The following AAK1 variants were observed in gnomAD, a reference collection of about 807,000 sequenced individuals.
The protein encoded by AAK1 is AP2-associated protein kinase 1.
Under a neutral mutation model 116.0 loss-of-function variants are expected in AAK1, and 37 were observed. That is an observed-to-expected ratio of 0.32 (90% CI 0.25 to 0.42). AAK1 has a LOEUF of 0.42. AAK1 is among the 10% of genes least tolerant of loss of function. The pLI, the probability that AAK1 is intolerant of heterozygous loss-of-function variation, is 1.00. For synonymous variants in AAK1, 458 were observed against 439.9 expected (o/e 1.04, Z -0.51); for missense variants, 919 against 1,170.6 (o/e 0.79, Z 3.14).
intron 2 of AAK1, chr2:69,598,065 A>G (rs945106811): frequency 3.3e-6 from 2 of 603,786 alleles, no homozygotes; most frequent in African/African-American, 3.9e-5. Context: ...CACCTTCTTT[A>G]TGGTGACATA....
intron 17 of AAK1, among the ~76,000 whole-genome samples, chr2:69,494,486 G>C (rs1171886538): frequency 6.6e-6 from 1 of 152,154 alleles, no homozygotes; most frequent in African/African-American, 2.4e-5. Flanking sequence ...GGCTTCTGCA[G>C]CCCATGGGCT....
chr2:69,630,564 C>T (rs1008248625), intron 2 of AAK1, among the ~76,000 whole-genome samples: 1 of 152,194 alleles, frequency 6.6e-6, no homozygotes. Context: ...TTAATTCTTA[C>T]AACAACCCAT....
intron 3 of AAK1, among the ~76,000 whole-genome samples, chr2:69,556,379 A>G (rs187747781): frequency 1.9e-4 from 29 of 152,262 alleles, no homozygotes; most frequent in African/African-American, 5.8e-4. Context: ...TTCCAGGCCA[A>G]AAAAGGGGGA....
At chr2:69,519,655 A>G (rs554160699) in intron 11 of AAK1, among the ~76,000 whole-genome samples, 7 of 152,304 alleles carry the variant, frequency 4.6e-5, no homozygotes, top group African/African-American at 1.7e-4. Context: ...ATGCGTGGCT[A>G]TAAGTAGATG....
Position 69,473,186 on chromosome 2 carries a change from T to C in AAK1, c.*2683A>G. On this transcript the variant is annotated 3_prime_UTR_variant, in exon 22 of 22. Transcript: ENST00000409085. ...AGCCAGTGGCTGGCAAGGGCCAGGA[T>C]GAGATCCCAGGTGGCCTGTCCTGCC... The C allele has an allele frequency of 1.3e-6, 1 of 771,092 alleles. No individual in the cohort carries two copies. Among genetic ancestry groups the C allele is most frequent in the Non-Finnish European group, 1.6e-6 (1 of 634,410 alleles). The allele number at this position is 771,092 out of a possible 1,614,324, so 47.8% of individuals were successfully genotyped here. A position where few individuals can be genotyped will look rare whatever the true frequency, so the allele number is the denominator to read the frequency against.
chr2:69,552,818 G>A (rs1461453803), intron 3 of AAK1, among the ~76,000 whole-genome samples: 1 of 151,994 alleles, frequency 6.6e-6, no homozygotes, highest in Non-Finnish European at 1.5e-5. Context: ...GATTTCTTAG[G>A]TTTGACACCA....
At chr2:69,616,236 T>A (rs536747709) in intron 2 of AAK1, among the ~76,000 whole-genome samples, 3 of 152,090 alleles carry the variant, frequency 2.0e-5, no homozygotes, top group Non-Finnish European at 4.4e-5. Context: ...GCTCAAGTGA[T>A]CCTCTCACCT....
chr2:69,513,877 G>A (rs1676483840), intron 13 of AAK1, among the ~76,000 whole-genome samples: 1 of 152,204 alleles, frequency 6.6e-6, no homozygotes, highest in African/African-American at 2.4e-5. Context: ...GCCATACTCA[G>A]CCAATATCTA....
chr2:69,519,187 C>A lies in AAK1; in HGVS notation c.1264G>T (p.Ala422Ser), dbSNP rs75381654. The change falls in exon 12 of 22, where the codon GCC becomes TCC. Residue 422 changes from alanine to serine, a missense_variant. Ala to Ser is a moderately conservative substitution (Grantham distance 99). Transcript: ENST00000409085. ...LASVPQPKPQ[A>S]PPSQPLPQTQ... ...TGCGGCAGAGGCTGGCTGGGTGGGG[C>A]TTGGGGTTTTGGTTGGGGAACACTG... is the stretch of plus-strand genomic sequence containing the variant. 1 of 1,587,976 alleles carries A rather than the reference C, an allele frequency of 6.3e-7. No homozygotes were observed.
intron 2 of AAK1, among the ~76,000 whole-genome samples, chr2:69,567,478 C>T (rs1353680838): frequency 6.6e-6 from 1 of 152,202 alleles, no homozygotes; most frequent in Non-Finnish European, 1.5e-5. Flanking sequence ...ATCTCTGTCA[C>T]CCAGCACAGT....
At chr2:69,510,221 C>G (rs543233924) in intron 13 of AAK1, among the ~76,000 whole-genome samples, 28 of 152,194 alleles carry the variant, frequency 1.8e-4, no homozygotes, top group African/African-American at 5.1e-4. Flanking sequence ...TCAAGGAGGC[C>G]CCAGCGTCTG....
chr2:69,520,716 T>C, intron 11 of AAK1, 118 bp downstream of exon 11: 1 of 1,210,978 alleles, frequency 8.3e-7, no homozygotes, highest in Middle Eastern at 2.8e-4. Context: ...CAAGGAACAC[T>C]GTTATCTCTG....
intron 9 of AAK1, among the ~76,000 whole-genome samples, chr2:69,525,622 C>G (rs1422470384): frequency 6.6e-6 from 1 of 152,196 alleles, no homozygotes; most frequent in Admixed American, 6.5e-5. Context: ...GAGCCAGTAC[C>G]CTTCCCAACA....
At chr2:69,541,429 G>C (rs555051789) in intron 5 of AAK1, among the ~76,000 whole-genome samples, 1 of 151,752 alleles carries the variant, frequency 6.6e-6, no homozygotes, top group South Asian at 2.1e-4. Flanking sequence ...ACGTGGTTTC[G>C]CCATGTTGGC....
chr2:69,550,281 T>A (rs1025085454), intron 3 of AAK1, among the ~76,000 whole-genome samples: 2 of 152,174 alleles, frequency 1.3e-5, no homozygotes, highest in Admixed American at 6.5e-5. Flanking sequence ...TGCTTACTCA[T>A]CCAAGTAACT....
chr2:69,507,700 C>A, intron 14 of AAK1, 122 bp from the exon 15 acceptor site: 1 of 1,020,536 alleles, frequency 9.8e-7, no homozygotes, highest in South Asian at 2.0e-5. Context: ...TCATTTTCCA[C>A]CACAGTATTT....
chr2:69,517,868 G>A (rs111694062), intron 12 of AAK1, among the ~76,000 whole-genome samples: 3 of 152,138 alleles, frequency 2.0e-5, no homozygotes, highest in African/African-American at 4.8e-5. Flanking sequence ...GCTAATGTGT[G>A]TAATTCCGAT....
Position 69,532,136 on chromosome 2 carries a change from T to C in AAK1, c.561A>G (p.Arg187=), listed in dbSNP as rs1400725976. 6.2e-7 allele frequency: 1 copy of C among 1,613,640 alleles called. No individual in the cohort carries two copies. Among genetic ancestry groups the C allele is most frequent in the East Asian group, 2.2e-5 (1 of 44,878 alleles). The change falls in exon 6 of 22, where the codon CGA becomes CGG. Residue 187 remains arginine, a synonymous_variant. Transcript: ENST00000409085. ...CAAAGTCACACAGGACATAGTGGCC[T>C]CGGTCATGCAAGAGGATGTTTTCAA... ...LKVENILLHD[R]GHYVLCDFGS...
intron 2 of AAK1, among the ~76,000 whole-genome samples, chr2:69,603,362 C>T (rs555466002): frequency 9.9e-5 from 15 of 152,180 alleles, no homozygotes; most frequent in African/African-American, 1.7e-4. Context: ...CGAGCCAGCA[C>T]GCAAGAAACA....
Sources: gnomAD v4.1 joint callset for allele counts (sites outside exome capture counted in the v4.1 genomes callset) on GRCh38, gnomAD v4.1.1 for gene constraint, MANE v1.5 for transcripts, NCBI Gene and HGNC (gene_info 2026-07-23, HGNC 2026-07-21) for gene names.